The following PRAMEF11 variants were observed in gnomAD, a reference collection of about 807,000 sequenced individuals.
PRAMEF11 encodes the protein PRAME family member 11.
Under a neutral mutation model 33.6 loss-of-function variants are expected in PRAMEF11, and 17 were observed. The observed-to-expected ratio is 0.51, with a 90% CI of 0.35 to 0.76. The LOEUF is 0.76. PRAMEF11 is among the 30% of genes least tolerant of loss of function. PRAMEF11 has a pLI of 0.01. For missense variants in PRAMEF11, 568 were observed against 567.0 expected (o/e 1.00, Z -0.02); for synonymous variants, 205 against 227.3 (o/e 0.90, Z 0.88).
In PRAMEF11 at chr1:12,827,645, C is replaced by G. The variant is rs1194448200; in HGVS notation, c.479G>C (p.Arg160Thr). The G allele has an allele frequency of 1.9e-6, 3 of 1,609,614 alleles. No individual in the cohort carries two copies. Among genetic ancestry groups the G allele is most frequent in the East Asian group, 2.3e-5 (1 of 44,396 alleles). Residue 160 changes from arginine to threonine, a missense_variant, in exon 3 of 4, where the codon AGG (arginine) becomes ACG (threonine). Arg to Thr is a moderately conservative substitution (Grantham distance 71). Around this residue, in one of 3 missense-constraint regions of PRAMEF11, gnomAD observed 342 missense variants for 312.0 expected, o/e 1.10. Transcript: ENST00000619922. ...GCAGGTGAGGTATTCATCCAGAGTC[C>G]TGTTCTTGAGCCAAAGTTCTACAAA... Reference protein sequence around the residue: ...TVFVELWLKNRTLDEYLTCLL... With the variant: ...TVFVELWLKNTTLDEYLTCLL...
intron 2 of PRAMEF11, 139 bp from the exon 3 acceptor site, chr1:12,827,969 T>A: frequency 6.8e-7 from 1 of 1,462,002 alleles, no homozygotes; most frequent in Non-Finnish European, 9.1e-7. Flanking sequence ...TCCCCTTGGA[T>A]CCTACCCACT....
In PRAMEF11 at chr1:12,824,752, C is replaced by T. The variant is rs1378693578; in HGVS notation, c.*190G>A. On this transcript the variant is annotated 3_prime_UTR_variant, in exon 4 of 4. Transcript: ENST00000619922. ...TCTACAGGATACAGGTTCCCAAAGT[C>T]CCATTGAATCCATGGCAACATTTCC... 1 of 891,354 alleles carries T rather than the reference C, an allele frequency of 1.1e-6. No homozygotes were observed. The highest frequency in any genetic ancestry group is 1.7e-6 in the Non-Finnish European group (1 of 596,136). 55.2% of individuals were successfully genotyped at this position (891,354 alleles called of 1,614,324 possible).
chr1:12,827,714 A>G lies in PRAMEF11; in HGVS notation c.410T>C (p.Val137Ala), dbSNP rs1423191341. 6.2e-7 allele frequency: 1 copy of G among 1,610,068 alleles called. No individual in the cohort carries two copies. The highest frequency in any genetic ancestry group is 1.7e-4 in the Middle Eastern group (1 of 5,896). The change falls in exon 3 of 4, where the codon GTG (valine) becomes GCG (alanine). Residue 137 changes from valine to alanine, a missense_variant. Val to Ala is a moderately conservative substitution (Grantham distance 64). This residue lies in a region of PRAMEF11 where 342 missense variants were observed against 312.0 expected (regional missense o/e 1.10). Coordinates refer to ENST00000619922, the MANE Select transcript of PRAMEF11 (RefSeq NM_001146344.3). The stretch of plus-strand genomic sequence containing the variant: ...TCCTCTCATCCTTGGACAGTCCTGC[A>G]CTGGTTTTTTGTTCCTCTTGGCATT... Reference protein sequence around the residue: ...FLNAKRNKKPVQDCPRMRGRQ... With the variant: ...FLNAKRNKKPAQDCPRMRGRQ...
chr1:12,825,119 T>C lies in PRAMEF11; in HGVS notation c.1260A>G (p.Glu420=), dbSNP rs2994112. The part of the protein sequence containing the change: ...LCLELYPAPQ[E]SYGADGTLCW... ...AGAGAGTACCATCAGCACCATAACT[T>C]TCCTGCGGGGCAGGATACAGCTCCA... The change falls in exon 4 of 4, where the codon GAA becomes GAG. Residue 420 remains glutamate, a synonymous_variant. Coordinates refer to ENST00000619922, the MANE Select transcript of PRAMEF11 (RefSeq NM_001146344.3). 97 of 1,609,314 alleles carry C rather than the reference T, an allele frequency of 6.0e-5. 6 individuals are homozygous for C. In the East Asian group the frequency reaches 1.2e-3, roughly 19 times the overall value.
chr1:12,830,112 C>A lies in PRAMEF11; in HGVS notation c.-17+1244G>T. Among the ~76,000 whole-genome samples, 2 of 151,336 alleles carry A rather than the reference C, an allele frequency of 1.3e-5. 1 individual carries two copies. Among genetic ancestry groups the A allele is most frequent in the Non-Finnish European group, 2.9e-5 (2 of 67,804 alleles). On this transcript the variant is annotated intron_variant, in intron 1 of 3. Transcript: ENST00000619922. ...GAGATAGGGAAGGGTTGAACCTCTT[C>A]CTGATATTAGACAGAAAGAAAGAAA...
At chr1:12,828,076 C>T (rs1005529718) in intron 2 of PRAMEF11, among the ~76,000 whole-genome samples, 2 of 149,936 alleles carry the variant, frequency 1.3e-5, no homozygotes, top group Admixed American at 6.7e-5. Context: ...ACCTCTTCTT[C>T]CCGGGTTCAA....
In PRAMEF11 at chr1:12,824,662, A is replaced by C. The variant is rs1639815830; in HGVS notation, c.*280T>G. On this transcript the variant is annotated 3_prime_UTR_variant, in exon 4 of 4. Transcript: ENST00000619922. ...GTTTCTTTACAACCATCCATGCAAG[A>C]GTAACTCCCTCATGTATTCTCAAGC... 2.2e-6 allele frequency: 1 copy of C among 448,924 alleles called. No homozygotes were observed. The highest frequency in any genetic ancestry group is 4.0e-6 in the Non-Finnish European group (1 of 248,632). 27.8% of individuals were successfully genotyped at this position (448,924 alleles called of 1,614,324 possible).
Position 12,824,965 on chromosome 1 carries a change from C to A in PRAMEF11, c.1414G>T (p.Glu472Ter). ...ATTCAACAGCAGTATTGATCTGCCT[C>A]CAGGTCATAAAATGACCTGTCGCCA... The part of the protein sequence containing the change: ...DHGDRSFYDL[E>*]ADQYCC Residue 472 changes from glutamate (E) to a stop codon, truncating the protein, a stop_gained, in exon 4 of 4, where the codon GAG (glutamate) becomes TAG (stop). Coordinates refer to ENST00000619922, the MANE Select transcript of PRAMEF11 (RefSeq NM_001146344.3). LOFTEE classifies it high-confidence loss of function. The A allele has an allele frequency of 1.9e-6, 3 of 1,609,524 alleles. No homozygotes were observed. The highest frequency in any genetic ancestry group is 2.5e-6 in the Non-Finnish European group (3 of 1,177,728).
Position 12,831,003 on chromosome 1 carries a change from A to G in PRAMEF11, c.-17+353T>C, listed in dbSNP as rs535766713. 6.5e-4 allele frequency among the ~76,000 whole-genome samples: 97 copies of G among 149,842 alleles called. 4 individuals are homozygous for G. Among genetic ancestry groups the G allele is most frequent in the Admixed American group, 2.2e-3 (33 of 14,928 alleles). On this transcript the variant is annotated intron_variant, in intron 1 of 3. Coordinates refer to ENST00000619922, the MANE Select transcript of PRAMEF11 (RefSeq NM_001146344.3). ...GTGAGACTCCATCCCCACCCTCAAA[A>G]AAAAAAAAAAACGTTGTGTAGAGGA...
intron 3 of PRAMEF11, 95 bp downstream of exon 3, chr1:12,827,154 C>T (rs879107050): frequency 2.5e-6 from 4 of 1,575,668 alleles, no homozygotes; most frequent in South Asian, 2.3e-5. Context: ...TTCACTGTTA[C>T]ATCCTCATAG....
In PRAMEF11 at chr1:12,827,462, G is replaced by C. The variant is rs750387322; in HGVS notation, c.662C>G (p.Pro221Arg). 3 of 1,610,744 alleles carry C rather than the reference G, an allele frequency of 1.9e-6. 1 individual carries two copies. In the East Asian group the frequency reaches 6.7e-5, roughly 36 times the overall value. Reference sequence around the variant, plus strand: ...GTATGGGGTAAACTGTGTCAGGATGGGCAGTATCCACTTGCAATTCACTTC... The same window carrying C: ...GTATGGGGTAAACTGTGTCAGGATGCGCAGTATCCACTTGCAATTCACTTC... ...EVEVNCKWIL[P>R]ILTQFTPYLG... Residue 221 changes from proline to arginine, a missense_variant, in exon 3 of 4, where the codon CCC becomes CGC. Pro to Arg is a moderately radical substitution (Grantham distance 103, BLOSUM62 -2). Around this residue, in one of 3 missense-constraint regions of PRAMEF11, gnomAD observed 342 missense variants for 312.0 expected, o/e 1.10. Transcript: ENST00000619922.
intron 3 of PRAMEF11, among the ~76,000 whole-genome samples, chr1:12,826,396 A>C (rs1313669782): frequency 2.6e-5 from 4 of 151,264 alleles, no homozygotes; most frequent in Non-Finnish European, 5.9e-5. Context: ...ATTTTCTGAC[A>C]TGTGCAGGTT....
In PRAMEF11 at chr1:12,824,921, C is replaced by T. The variant is rs771876059; in HGVS notation, c.*21G>A. ...TGTCCAGAAGAAAGCGTTTGACATA[C>T]CCATCCAAATAGGCAGGCATTCAAC... On this transcript the variant is annotated 3_prime_UTR_variant, in exon 4 of 4. Coordinates refer to ENST00000619922, the MANE Select transcript of PRAMEF11 (RefSeq NM_001146344.3). The T allele has an allele frequency of 4.4e-6, 7 of 1,607,774 alleles. 1 individual carries two copies. Among genetic ancestry groups the T allele is most frequent in the East Asian group, 2.3e-5 (1 of 44,382 alleles).
At chr1:12,826,326 T>G (rs1639866654) in intron 3 of PRAMEF11, among the ~76,000 whole-genome samples, 1 of 127,158 alleles carries the variant, frequency 7.9e-6, no homozygotes. Context: ...AAAGAAACTT[T>G]TACAATGGGA....
chr1:12,828,443 T>C (rs1419494871), intron 2 of PRAMEF11, 54 bp downstream of exon 2: 2 of 1,549,104 alleles, frequency 1.3e-6, no homozygotes, highest in Admixed American at 1.8e-5. Context: ...GACCCAGCTG[T>C]TCCTTCAGTT....
intron 1 of PRAMEF11, among the ~76,000 whole-genome samples, chr1:12,830,872 C>T (rs1639991149): frequency 6.6e-6 from 1 of 150,414 alleles, no homozygotes; most frequent in African/African-American, 2.4e-5. Flanking sequence ...GTCTGTGACA[C>T]CAGCTTCTGA....
Position 12,827,751 on chromosome 1 carries a change from C to A in PRAMEF11, c.373G>T (p.Gly125Trp), listed in dbSNP as rs569254175. 1 of 1,609,622 alleles carries A rather than the reference C, an allele frequency of 6.2e-7. No individual in the cohort carries two copies. Among genetic ancestry groups the A allele is most frequent in the Non-Finnish European group, 8.5e-7 (1 of 1,178,442 alleles). Residue 125 changes from glycine to tryptophan, a missense_variant, in exon 3 of 4, where the codon GGG becomes TGG. This residue lies in a region of PRAMEF11 where 342 missense variants were observed against 312.0 expected (regional missense o/e 1.10). Coordinates refer to ENST00000619922, the MANE Select transcript of PRAMEF11 (RefSeq NM_001146344.3). ...WMVWSEAMAHGCFLNAKRNKK... is the reference protein window; with the variant it reads ...WMVWSEAMAHWCFLNAKRNKK... ...TTCCTCTTGGCATTGAGGAAGCACC[C>A]ATGGGCCATAGCTTCAGACCAAACC... is the stretch of plus-strand genomic sequence containing the variant.
rs541931298 is a variant in PRAMEF11 at position 12,824,991 on chromosome 1, T to A, written c.1388A>T (p.His463Leu). 3 of 1,609,680 alleles carry A rather than the reference T, an allele frequency of 1.9e-6. No individual in the cohort carries two copies. Among genetic ancestry groups the A allele is most frequent in the Admixed American group, 1.7e-5 (1 of 59,592 alleles). Reference protein sequence around the residue: ...ILFCTDNCPDHGDRSFYDLEA... With the variant: ...ILFCTDNCPDLGDRSFYDLEA... Reference sequence around the variant, plus strand: ...CAGGTCATAAAATGACCTGTCGCCATGGTCAGGGCAGTTGTCAGTACAGAA... The same window carrying A: ...CAGGTCATAAAATGACCTGTCGCCAAGGTCAGGGCAGTTGTCAGTACAGAA... Residue 463 changes from histidine to leucine, a missense_variant, in exon 4 of 4, where the codon CAT becomes CTT. Around this residue, in one of 3 missense-constraint regions of PRAMEF11, gnomAD observed 174 missense variants for 127.2 expected, o/e 1.37. Coordinates refer to ENST00000619922, the MANE Select transcript of PRAMEF11 (RefSeq NM_001146344.3).
Position 12,827,927 on chromosome 1 carries a change from G to C in PRAMEF11, c.294-97C>G, listed in dbSNP as rs569165695. 125 of 1,574,638 alleles carry C rather than the reference G, an allele frequency of 7.9e-5. 7 individuals carry two copies. Among genetic ancestry groups the C allele is most frequent in the South Asian group, 6.3e-4 (56 of 88,468 alleles). On this transcript the variant is annotated intron_variant, in intron 2 of 3. Transcript: ENST00000619922. The stretch of plus-strand genomic sequence containing the variant: ...GCAGCTCCTCCCCTCCCTGCTTGTT[G>C]TCCCTCTCTCTGAGTTTTCTTCACC...
Sources: gnomAD v4.1 joint callset for allele counts (sites outside exome capture counted in the v4.1 genomes callset) on GRCh38, gnomAD v4.1.1 for gene constraint, gnomAD v4.1.1 regional missense constraint, MANE v1.5 for transcripts, NCBI Gene and HGNC (gene_info 2026-07-23, HGNC 2026-07-21) for gene names.